Variants in JUP observed in about 807,000 individuals in gnomAD.
The protein encoded by JUP is junction plakoglobin.
JUP carries 28 observed loss-of-function variants against 71.1 expected under a neutral mutation model. The ratio of observed to expected loss-of-function variants is 0.39; its 90% CI spans 0.29 to 0.54. The LOEUF is 0.54. JUP is among the 20% of genes least tolerant of loss of function. JUP has a pLI of 0.62. For missense variants in JUP, 869 were observed against 1,030.1 expected (o/e 0.84, Z 2.14); for synonymous variants, 401 against 438.9 (o/e 0.91, Z 1.08).
intron 3 of JUP, 21 bp downstream of exon 3, chr17:41,769,397 C>T: frequency 6.2e-7 from 1 of 1,603,916 alleles, no homozygotes; most frequent in Non-Finnish European, 8.5e-7. Context: ...AGCCCCCACC[C>T]TAGCAGGGAC....
At chr17:41,770,070 G>T (rs1427590291) in intron 2 of JUP, among the ~76,000 whole-genome samples, 1 of 152,064 alleles carries the variant, frequency 6.6e-6, no homozygotes, top group Non-Finnish European at 1.5e-5. Flanking sequence ...AAGGCAGCCT[G>T]ACTCAGGGGC....
chr17:41,776,503 C>G (rs1178123639), intron 1 of JUP, among the ~76,000 whole-genome samples: 8 of 152,156 alleles, frequency 5.3e-5, no homozygotes, highest in African/African-American at 1.9e-4. Flanking sequence ...GTCGTTTGAG[C>G]CCAGGAGTTC....
Position 41,755,424 on chromosome 17 carries a change from G to C in JUP, c.*320C>G, listed in dbSNP as rs1555597097. 5 of 414,534 alleles carry C rather than the reference G, an allele frequency of 1.2e-5. No homozygotes were observed. Among genetic ancestry groups the C allele is most frequent in the Non-Finnish European group, 2.1e-5 (5 of 235,388 alleles). 25.7% of individuals were successfully genotyped at this position (414,534 alleles called of 1,614,324 possible). A position where few individuals can be genotyped will look rare whatever the true frequency, so the allele number is the denominator to read the frequency against. Reference sequence around the variant, plus strand: ...CTGCACGGAGAGCCTCTCAGATGAGGAACCGCACCTGTTAGGGGAGCGGGG... The same window carrying C: ...CTGCACGGAGAGCCTCTCAGATGAGCAACCGCACCTGTTAGGGGAGCGGGG... On this transcript the variant is annotated 3_prime_UTR_variant, in exon 14 of 14. Coordinates refer to ENST00000393931, the MANE Select transcript of JUP (RefSeq NM_002230.4).
At chr17:41,779,215 A>G (rs1555609641) in intron 1 of JUP, among the ~76,000 whole-genome samples, 2 of 151,414 alleles carry the variant, frequency 1.3e-5, no homozygotes, top group African/African-American at 2.4e-5. Flanking sequence ...CAGCCTGGGC[A>G]ACAAGAGCAA....
chr17:41,773,516 C>G (rs1234385029), intron 1 of JUP, among the ~76,000 whole-genome samples: 3 of 152,198 alleles, frequency 2.0e-5, no homozygotes, highest in Admixed American at 6.5e-5. Context: ...AGACCCCAGA[C>G]GACAGGCTCG....
At chr17:41,762,803 T>G (rs549130906) in intron 8 of JUP, among the ~76,000 whole-genome samples, 180 bp downstream of exon 8, 71 of 152,290 alleles carry the variant, frequency 4.7e-4, no homozygotes, top group African/African-American at 1.6e-3. Flanking sequence ...GAAATCCCAA[T>G]TCTGGAATTT....
rs1555598815 is a variant in JUP at position 41,757,625 on chromosome 17, C to T, written c.1924+9G>A. 2 of 1,613,826 alleles carry T rather than the reference C, an allele frequency of 1.2e-6. No individual in the cohort carries two copies. The highest frequency in any genetic ancestry group is 2.2e-5 in the East Asian group (1 of 44,858). ...GTGGGACCCAGCCTCCTGCCCTCCC[C>T]CAGCTCACCAGTGCCCTCGTTGCGG... On this transcript the variant is annotated intron_variant, in intron 11 of 13. Transcript: ENST00000393931.
At chr17:41,762,168 AGAGAGAGAG>A (rs1914966014) in intron 8 of JUP, among the ~76,000 whole-genome samples, 1 of 49,478 alleles carries the variant, frequency 2.0e-5, no homozygotes, top group Non-Finnish European at 4.2e-5. Context: ...AGAGAGAGAG[AGAGAGAGAG>A]TGTGTGTGTG....
intron 5 of JUP, 58 bp from the exon 6 acceptor site, chr17:41,765,125 A>G: frequency 1.3e-6 from 2 of 1,536,822 alleles, no homozygotes; most frequent in South Asian, 1.1e-5. Flanking sequence ...GGAACAAGGA[A>G]GCGCGGGACA....
At chr17:41,766,133 T>A (rs1321481283) in intron 5 of JUP, among the ~76,000 whole-genome samples, 1 of 152,028 alleles carries the variant, frequency 6.6e-6, no homozygotes, top group Non-Finnish European at 1.5e-5. Context: ...GTTCTCATAG[T>A]CCTAGCTATC....
intron 1 of JUP, among the ~76,000 whole-genome samples, chr17:41,784,454 C>G (rs1176030182): frequency 2.0e-5 from 3 of 152,192 alleles, no homozygotes; most frequent in Non-Finnish European, 4.4e-5. Context: ...CACCTCCTAG[C>G]AGTACTTCCT....
intron 8 of JUP, among the ~76,000 whole-genome samples, chr17:41,761,798 G>C (rs189033871): frequency 6.6e-6 from 1 of 151,290 alleles, no homozygotes; most frequent in Non-Finnish European, 1.5e-5. Flanking sequence ...TCCGGGCCTG[G>C]TGTCTCACAC....
chr17:41,771,941 G>A (rs893993452), intron 1 of JUP, 79 bp from the exon 2 acceptor site: 47 of 1,184,566 alleles, frequency 4.0e-5, no homozygotes, highest in South Asian at 7.8e-5. Context: ...ACCAAGCCCC[G>A]CCTGTCTTCC....
chr17:41,758,874 G>A lies in JUP; in HGVS notation c.1498-4C>T. 1 of 1,600,764 alleles carries A rather than the reference G, an allele frequency of 6.2e-7. No homozygotes were observed. ...TCCTGATCAAGCCGATGGTTGCCTGGCAAAAAAAGGGGCAGTGATCAGGGG... is the reference window on the plus strand; with the variant it reads ...TCCTGATCAAGCCGATGGTTGCCTGACAAAAAAAGGGGCAGTGATCAGGGG... On this transcript the variant is annotated splice_region_variant and splice_polypyrimidine_tract_variant and intron_variant, in intron 8 of 13. Transcript: ENST00000393931.
At chr17:41,764,484 G>A (rs1322691721) in intron 7 of JUP, among the ~76,000 whole-genome samples, 1 of 127,482 alleles carries the variant, frequency 7.8e-6, no homozygotes, top group East Asian at 2.5e-4. Context: ...GCAGTGAGCC[G>A]AGATTGCACC....
At chr17:41,758,372 T>C (rs1555599350) in intron 10 of JUP, 27 bp downstream of exon 10, 1 of 1,611,900 alleles carries the variant, frequency 6.2e-7, no homozygotes, top group Middle Eastern at 2.2e-4. Context: ...TGGGGGGACC[T>C]CTCCTGCCCA....
rs1913442590 is a variant in JUP, at chr17:41,754,974, C to T, written c.*770G>A. ...TCACTCCATATCTCCTCCCCATCTCCCCTGGACGGTCCCTGAACTTTTCAA... is the reference window on the plus strand; with the variant it reads ...TCACTCCATATCTCCTCCCCATCTCTCCTGGACGGTCCCTGAACTTTTCAA... On this transcript the variant is annotated 3_prime_UTR_variant, in exon 14 of 14. Coordinates refer to ENST00000393931, the MANE Select transcript of JUP (RefSeq NM_002230.4). 4.3e-6 allele frequency: 1 copy of T among 232,554 alleles called. No homozygotes were observed. Among genetic ancestry groups the T allele is most frequent in the Middle Eastern group, 1.3e-3 (1 of 760 alleles). The allele number at this position is 232,554 out of a possible 1,614,324, so 14.4% of individuals were successfully genotyped here. A position where few individuals can be genotyped will look rare whatever the true frequency, so the allele number is the denominator to read the frequency against.
At position 41,769,575 on chromosome 17, in the gene JUP, G is replaced by T. The variant is rs1185864978; in HGVS notation, c.311C>A (p.Thr104Asn). ...GTTGGTGGCCTGCCCCTCCACCTGGGTGGCCAGCAGAAGCGAGCTGTCCTC... is the reference window on the plus strand; with the variant it reads ...GTTGGTGGCCTGCCCCTCCACCTGGTTGGCCAGCAGAAGCGAGCTGTCCTC... The part of the protein sequence containing the change: ...SGEDSSLLLA[T>N]QVEGQATNLQ... The change falls in exon 3 of 14, where the codon ACC becomes AAC. Residue 104 changes from threonine to asparagine, a missense_variant. Thr to Asn is a moderately conservative substitution (Grantham distance 65). Coordinates refer to ENST00000393931, the MANE Select transcript of JUP (RefSeq NM_002230.4). 8 of 1,606,976 alleles carry T rather than the reference G, an allele frequency of 5.0e-6. No homozygotes were observed. Among genetic ancestry groups the T allele is most frequent in the Non-Finnish European group, 6.8e-6 (8 of 1,177,552 alleles).
rs145592971 is a variant in JUP at position 41,769,131 on chromosome 17, G to T, written c.545C>A (p.Ser182Ter). ...KEASRRALMG[S>*]PQLVAAVVRT... ...CACGACAGCGGCCACCAGCTGGGGC[G>T]AGCCCATCAGGGCCCGCCGCGACGC... is the stretch of plus-strand genomic sequence containing the variant. Residue 182 changes from serine to a stop codon, truncating the protein, a stop_gained, in exon 4 of 14, where the codon TCG (serine) becomes TAG (stop). Transcript: ENST00000393931. LOFTEE classifies it high-confidence loss of function. 1.2e-6 allele frequency: 2 copies of T among 1,609,606 alleles called. No individual in the cohort carries two copies. Among genetic ancestry groups the T allele is most frequent in the Non-Finnish European group, 1.7e-6 (2 of 1,179,860 alleles).
Sources: gnomAD v4.1 joint callset for allele counts (sites outside exome capture counted in the v4.1 genomes callset) on GRCh38, gnomAD v4.1.1 for gene constraint, MANE v1.5 for transcripts, NCBI Gene and HGNC (gene_info 2026-07-23, HGNC 2026-07-21) for gene names.